Variants in MTERF3 observed in about 807,000 individuals in gnomAD.
The protein encoded by MTERF3 is transcription termination factor 3, mitochondrial.
In MTERF3, 40 loss-of-function variants were observed where a neutral mutation model predicts 40.5. The ratio of observed to expected loss-of-function variants is 0.99; its 90% CI spans 0.77 to 1.29. MTERF3 has a LOEUF of 1.29. Among genes scored for constraint, MTERF3 ranks in the 50% most tolerant of loss-of-function variants. MTERF3 has a pLI of 0.00. For synonymous variants in MTERF3, 158 were observed against 166.6 expected (o/e 0.95, Z 0.40); for missense variants, 452 against 478.2 (o/e 0.95, Z 0.51).
At chr8:96,247,043 G>A (rs530170613) in intron 4 of MTERF3, among the ~76,000 whole-genome samples, 1 of 152,186 alleles carries the variant, frequency 6.6e-6, no homozygotes, top group South Asian at 2.1e-4. Flanking sequence ...CATGATCTGG[G>A]CTCAATGCAA....
intron 3 of MTERF3, among the ~76,000 whole-genome samples, chr8:96,254,219 G>A (rs999674381): frequency 6.6e-6 from 1 of 152,054 alleles, no homozygotes; most frequent in South Asian, 2.1e-4. Context: ...ATAGTGGAAC[G>A]ATTAAATCAA....
At chr8:96,260,453 G>T (rs1810362298) in intron 1 of MTERF3, among the ~76,000 whole-genome samples, 1 of 151,596 alleles carries the variant, frequency 6.6e-6, no homozygotes, top group African/African-American at 2.4e-5. Flanking sequence ...ATGATGTGGG[G>T]GGTGGGGGTG....
chr8:96,259,402 G>C (rs1484582071), intron 1 of MTERF3, among the ~76,000 whole-genome samples: 3 of 5,758 alleles, frequency 5.2e-4, no homozygotes, highest in African/African-American at 2.3e-3. Flanking sequence ...AAAAGAAAAG[G>C]TCAAAACTAG....
intron 7 of MTERF3, among the ~76,000 whole-genome samples, chr8:96,242,337 T>G (rs1232775279): frequency 1.3e-5 from 2 of 152,236 alleles, no homozygotes; most frequent in Admixed American, 1.3e-4. Flanking sequence ...GTGATTTTGA[T>G]GCATCTGGTC....
At chr8:96,245,475 A>G (rs1365756802) in intron 6 of MTERF3, among the ~76,000 whole-genome samples, 2 of 152,202 alleles carry the variant, frequency 1.3e-5, no homozygotes, top group African/African-American at 4.8e-5. Context: ...ACTCCCTGAG[A>G]CATACACAGA....
At position 96,258,661 on chromosome 8, in the gene MTERF3, T is replaced by C; in HGVS notation, c.30A>G (p.Arg10=). The change falls in exon 2 of 8, where the codon AGA becomes AGG. Residue 10 remains arginine, a synonymous_variant. Transcript: ENST00000287025. The part of the protein sequence containing the change: MALSAQQIP[R]WFNSVKLRSL... ...TCCTCAACTTAACTGAGTTAAACCATCTGGGTATCTGTTGGGCTGACAAAG... is the reference window on the plus strand; with the variant it reads ...TCCTCAACTTAACTGAGTTAAACCACCTGGGTATCTGTTGGGCTGACAAAG... The C allele has an allele frequency of 3.1e-6, 5 of 1,610,190 alleles. No individual in the cohort carries two copies. The highest frequency in any genetic ancestry group is 4.2e-6 in the Non-Finnish European group (5 of 1,176,880).
intron 1 of MTERF3, among the ~76,000 whole-genome samples, chr8:96,258,934 A>C (rs1332729993): frequency 6.6e-6 from 1 of 152,234 alleles, no homozygotes; most frequent in African/African-American, 2.4e-5. Context: ...GGAAAAATAA[A>C]GATATACTTT....
In MTERF3 at chr8:96,244,067, T is replaced by C. The variant is rs766653973; in HGVS notation, c.911A>G (p.Glu304Gly). The change falls in exon 7 of 8, where the codon GAA becomes GGA. Residue 304 changes from glutamate to glycine, a missense_variant. By Grantham distance (98) the Glu-to-Gly change is moderately conservative. Coordinates refer to ENST00000287025, the MANE Select transcript of MTERF3 (RefSeq NM_015942.5). ...VKENMKVYRLELGFKHNEIQH... is the reference protein window; with the variant it reads ...VKENMKVYRLGLGFKHNEIQH... ...AATTTCGTTATGTTTAAAACCAAGT[T>C]CAAGACGATAAACCTAAAAGAAAGT... is the stretch of plus-strand genomic sequence containing the variant. The C allele has an allele frequency of 6.2e-7, 1 of 1,611,706 alleles. No individual in the cohort carries two copies.
chr8:96,241,409 AAAAAAAAAC>A (rs1018306011), intron 7 of MTERF3, among the ~76,000 whole-genome samples: 2 of 146,054 alleles, frequency 1.4e-5, no homozygotes, highest in Non-Finnish European at 3.0e-5. Flanking sequence ...ACTCCATCGC[AAAAAAAAAC>A]AAAAAAAACA....
rs951663110 is a variant in MTERF3 at position 96,248,810 on chromosome 8, A to T, written c.677+2096T>A. Among the ~76,000 whole-genome samples, 26 of 152,368 alleles carry T rather than the reference A, an allele frequency of 1.7e-4. No individual in the cohort carries two copies. In the East Asian group the frequency reaches 4.8e-3, roughly 28 times the overall value. On this transcript the variant is annotated intron_variant, in intron 4 of 7. Transcript: ENST00000287025. ...TTAAATATAACTTTTTATTTAAAAA[A>T]TAAGTACATGAAATCAGTGCTGTTA... is the stretch of plus-strand genomic sequence containing the variant.
chr8:96,246,498 T>C, intron 4 of MTERF3, 44 bp from the exon 5 acceptor site: 1 of 1,501,386 alleles, frequency 6.7e-7, no homozygotes, highest in Non-Finnish European at 8.9e-7. Flanking sequence ...ACACTTACAT[T>C]CTTTTTTTTT....
intron 4 of MTERF3, among the ~76,000 whole-genome samples, chr8:96,248,229 G>A (rs759650495): frequency 6.6e-6 from 1 of 152,146 alleles, no homozygotes; most frequent in South Asian, 2.1e-4. Context: ...CTAGAAATAC[G>A]TCCTACAGAG....
rs1000392704 is a variant in MTERF3, at chr8:96,258,465, T to C, written c.226A>G (p.Ser76Gly). Residue 76 changes from serine (S) to glycine (G), a missense_variant, in exon 2 of 8, where the codon AGT becomes GGT. Transcript: ENST00000287025. The stretch of plus-strand genomic sequence containing the variant: ...TGGGCAGAATTATTCTCCTGACTAC[T>C]TGAGCTAGTAGACTGGGAACTATTC... ...LWNSSQSTSS[S>G]SQENNSAQSS... The C allele has an allele frequency of 5.0e-6, 8 of 1,614,184 alleles. No homozygotes were observed. Among genetic ancestry groups the C allele is most frequent in the Non-Finnish European group, 1.7e-6 (2 of 1,180,006 alleles).
At chr8:96,255,775 T>C (rs1451698393) in intron 3 of MTERF3, among the ~76,000 whole-genome samples, 1 of 152,180 alleles carries the variant, frequency 6.6e-6, no homozygotes, top group East Asian at 1.9e-4. Flanking sequence ...GATCCTTCTT[T>C]GAGGAAACGA....
At chr8:96,241,900 T>C (rs1452377827) in intron 7 of MTERF3, among the ~76,000 whole-genome samples, 6 of 152,194 alleles carry the variant, frequency 3.9e-5, no homozygotes, top group African/African-American at 1.4e-4. Context: ...ATATAACCTC[T>C]TTCCTTAGCC....
At chr8:96,258,170 G>C (rs946817323) in intron 2 of MTERF3, 187 bp downstream of exon 2, 2 of 860,718 alleles carry the variant, frequency 2.3e-6, no homozygotes, top group African/African-American at 3.7e-5. Context: ...TTACACGTTA[G>C]CCCACAAACT....
At chr8:96,251,191 A>T in intron 3 of MTERF3, 96 bp from the exon 4 acceptor site, 1 of 896,794 alleles carries the variant, frequency 1.1e-6, no homozygotes, top group East Asian at 2.8e-5. Flanking sequence ...GGAGATCAAC[A>T]CCTATCCAAA....
chr8:96,250,265 AC>A (rs1431870412), intron 4 of MTERF3, among the ~76,000 whole-genome samples: 1 of 151,902 alleles, frequency 6.6e-6, no homozygotes. Flanking sequence ...GACAAAAACT[AC>A]AAAAACCACA....
chr8:96,257,443 T>C (rs890356304), intron 2 of MTERF3, among the ~76,000 whole-genome samples: 3 of 152,232 alleles, frequency 2.0e-5, no homozygotes, highest in Non-Finnish European at 4.4e-5. Context: ...TACCATAGCC[T>C]GTTAACTTGG....
Sources: gnomAD v4.1 joint callset for allele counts (sites outside exome capture counted in the v4.1 genomes callset) on GRCh38, gnomAD v4.1.1 for gene constraint, MANE v1.5 for transcripts, NCBI Gene and HGNC (gene_info 2026-07-23, HGNC 2026-07-21) for gene names.